Variants in FBLN1 observed in about 807,000 individuals in gnomAD.
FBLN1 encodes the protein fibulin 1.
In FBLN1, 34 loss-of-function variants were observed where a neutral mutation model predicts 89.7. That is an observed-to-expected ratio of 0.38 (90% confidence interval 0.29 to 0.50). The LOEUF (loss-of-function observed/expected upper bound fraction) is 0.50. Ranked by LOEUF, FBLN1 falls within the 20% of genes least tolerant of loss-of-function variation. FBLN1 has a pLI of 0.92. For synonymous variants in FBLN1, 393 were observed against 391.3 expected (o/e 1.00, Z -0.05); for missense variants, 777 against 988.1 (o/e 0.79, Z 2.86).
chr22:45,538,425 C>CT (rs2088510970), intron 8 of FBLN1, among the ~76,000 whole-genome samples: 2 of 152,228 alleles, frequency 1.3e-5, no homozygotes, highest in Non-Finnish European at 2.9e-5. Flanking sequence ...GGTCCATGAG[C>CT]CCTTCTGGGC....
rs2088609486 is a variant in FBLN1, at chr22:45,545,090, G to T, written c.1321+1564G>T. ...CCTTCCTGATGAGATGGTCGCAGGGGTTGGATATGCCACAGTGAGCTGTGG... is the reference window on the plus strand; with the variant it reads ...CCTTCCTGATGAGATGGTCGCAGGGTTTGGATATGCCACAGTGAGCTGTGG... On this transcript the variant is annotated intron_variant, in intron 11 of 16. Coordinates refer to ENST00000327858, the MANE Select transcript of FBLN1 (RefSeq NM_006486.3). The surrounding 1 kb of genome is among the most constrained non-coding windows in gnomAD (Gnocchi z 5.9). Among the ~76,000 whole-genome samples, 1 of 152,222 alleles carries T rather than the reference G, an allele frequency of 6.6e-6. No homozygotes were observed. The highest frequency in any genetic ancestry group is 1.5e-5 in the Non-Finnish European group (1 of 68,040).
chr22:45,542,087 C>G, intron 9 of FBLN1, 68 bp from the exon 10 acceptor site: 4 of 1,610,708 alleles, frequency 2.5e-6, no homozygotes, highest in Non-Finnish European at 3.4e-6. Flanking sequence ...GCTTTCCTTT[C>G]TGATCATCTT....
chr22:45,548,407 T>C (rs1045240978), intron 12 of FBLN1, among the ~76,000 whole-genome samples: 1 of 152,184 alleles, frequency 6.6e-6, no homozygotes, highest in African/African-American at 2.4e-5. Context: ...GCCACATGCA[T>C]ACTTCACACC....
Position 45,541,388 on chromosome 22 carries a change from A to C in FBLN1, c.1066+16A>C. On this transcript the variant is annotated intron_variant, in intron 9 of 16. Coordinates refer to ENST00000327858, the MANE Select transcript of FBLN1 (RefSeq NM_006486.3). Reference sequence around the variant, plus strand: ...CGCTGTGTTGGTTGGTATTAAGAAAACAAATCTGAAATCCACTTTCCTGTC... The same window carrying C: ...CGCTGTGTTGGTTGGTATTAAGAAACCAAATCTGAAATCCACTTTCCTGTC... 3 of 1,614,142 alleles carry C rather than the reference A, an allele frequency of 1.9e-6. No individual in the cohort carries two copies. Among genetic ancestry groups the C allele is most frequent in the African/African-American group, 1.3e-5 (1 of 75,054 alleles).
At chr22:45,594,696 A>AGATGGATGGATG (rs201180295) in intron 16 of FBLN1, among the ~76,000 whole-genome samples, 1,462 of 143,070 alleles carry the variant, frequency 0.01, 28 homozygotes, top group African/African-American at 0.036. Context: ...ATTGGTGGAT[A>AGATGGATGGATG]GATGGATGGA....
rs1422650059 is a variant in FBLN1, at chr22:45,581,650, T to TAA, written c.1972+4543_1972+4544insAA. Among the ~76,000 whole-genome samples the TAA allele has an allele frequency of 2.6e-5, 4 of 151,994 alleles. No individual in the cohort carries two copies. Among genetic ancestry groups the TAA allele is most frequent in the African/African-American group, 9.7e-5 (4 of 41,390 alleles). On this transcript the variant is annotated intron_variant, in intron 16 of 16. Coordinates refer to ENST00000327858, the MANE Select transcript of FBLN1 (RefSeq NM_006486.3). The surrounding 1 kb of genome is among the most constrained non-coding windows in gnomAD (Gnocchi z 7.6). The stretch of plus-strand genomic sequence containing the variant: ...GCAGGGAGCTACGGAGTTGTCTTTG[T>TAA]AGTTTTTTGCAGGCCAGCCCCTCCT...
chr22:45,587,038 A>G (rs909541330), intron 16 of FBLN1, among the ~76,000 whole-genome samples: 4 of 152,034 alleles, frequency 2.6e-5, no homozygotes, highest in African/African-American at 9.7e-5. Flanking sequence ...TGCTTCTCAG[A>G]CCTGCGGGTA....
rs1485386926 is a variant in FBLN1 at position 45,557,860 on chromosome 22, G to A, written c.1697+7245G>A. On this transcript the variant is annotated intron_variant, in intron 14 of 16. Coordinates refer to ENST00000327858, the MANE Select transcript of FBLN1 (RefSeq NM_006486.3). This position sits in a 1 kb window ranked among gnomAD's most constrained non-coding sequence, Gnocchi z 4.9. ...ACAGCCCATGAATCAGTATGTAATC[G>A]CACATCTGGTCATTTCTCCTTCCAT... Among the ~76,000 whole-genome samples the A allele has an allele frequency of 2.6e-5, 4 of 152,114 alleles. No homozygotes were observed. The highest frequency in any genetic ancestry group is 1.9e-4 in the East Asian group (1 of 5,190).
chr22:45,576,031 A>G lies in FBLN1; in HGVS notation c.1841-946A>G, dbSNP rs1011671214. On this transcript the variant is annotated intron_variant, in intron 15 of 16. Transcript: ENST00000327858. This position sits in a 1 kb window ranked among gnomAD's most constrained non-coding sequence, Gnocchi z 5.2. ...ACACCAGTGTTTACACCATGACACA[A>G]CCATGCGGGGGGGTGGGGGGAGGAG... Among the ~76,000 whole-genome samples, 42 of 151,424 alleles carry G rather than the reference A, an allele frequency of 2.8e-4. No homozygotes were observed. Among genetic ancestry groups the G allele is most frequent in the African/African-American group, 9.7e-4 (40 of 41,044 alleles).
At position 45,576,449 on chromosome 22, in the gene FBLN1, A is replaced by G. The variant is rs922295624; in HGVS notation, c.1841-528A>G. 1.3e-5 allele frequency among the ~76,000 whole-genome samples: 2 copies of G among 151,926 alleles called. No homozygotes were observed. Among genetic ancestry groups the G allele is most frequent in the Admixed American group, 1.3e-4 (2 of 15,268 alleles). On this transcript the variant is annotated intron_variant, in intron 15 of 16. Transcript: ENST00000327858. The surrounding 1 kb of genome is among the most constrained non-coding windows in gnomAD (Gnocchi z 5.2). ...CTTACAGGTGAGGAAACTGAGGCCCACAGAGAGGACTCCCCCAAGACAGCC... is the reference window on the plus strand; with the variant it reads ...CTTACAGGTGAGGAAACTGAGGCCCGCAGAGAGGACTCCCCCAAGACAGCC...
At chr22:45,541,448 A>G in intron 9 of FBLN1, 76 bp downstream of exon 9, 3 of 1,580,864 alleles carry the variant, frequency 1.9e-6, no homozygotes, top group Admixed American at 3.5e-5. Flanking sequence ...CTCTGGAAGC[A>G]GAAAGTTGAT....
Position 45,576,829 on chromosome 22 carries a change from C to T in FBLN1, c.1841-148C>T. The T allele has an allele frequency of 1.1e-6, 1 of 914,108 alleles. No individual in the cohort carries two copies. Among genetic ancestry groups the T allele is most frequent in the Non-Finnish European group, 1.7e-6 (1 of 581,394 alleles). The allele number at this position is 914,108 out of a possible 1,614,324, so 56.6% of individuals were successfully genotyped here. On this transcript the variant is annotated intron_variant, in intron 15 of 16. Coordinates refer to ENST00000327858, the MANE Select transcript of FBLN1 (RefSeq NM_006486.3). This position sits in a 1 kb window ranked among gnomAD's most constrained non-coding sequence, Gnocchi z 5.2. ...TCCAGACCCCTCCACCCTCCCCACACAGGGGATCTCTGGCTTCATTGATGT... is the reference window on the plus strand; with the variant it reads ...TCCAGACCCCTCCACCCTCCCCACATAGGGGATCTCTGGCTTCATTGATGT...
At chr22:45,592,216 C>T (rs1387372539) in intron 16 of FBLN1, among the ~76,000 whole-genome samples, 1 of 152,226 alleles carries the variant, frequency 6.6e-6, no homozygotes, top group Non-Finnish European at 1.5e-5. Flanking sequence ...CGGCTGTGGG[C>T]ACATAGGGTC....
intron 14 of FBLN1, among the ~76,000 whole-genome samples, chr22:45,570,513 T>C (rs2088944708): frequency 6.6e-6 from 1 of 151,812 alleles, no homozygotes; most frequent in Non-Finnish European, 1.5e-5. Flanking sequence ...CAAAAGTGAA[T>C]AAACAGATAA....
chr22:45,557,171 T>C lies in FBLN1; in HGVS notation c.1697+6556T>C, dbSNP rs923504631. 1.3e-5 allele frequency among the ~76,000 whole-genome samples: 2 copies of C among 152,206 alleles called. No individual in the cohort carries two copies. The highest frequency in any genetic ancestry group is 4.8e-5 in the African/African-American group (2 of 41,456). ...GAGCATGAGCCCACTGCCACACCTC[T>C]TTAGCAGTAAAGTGAGTGCTTTGGT... On this transcript the variant is annotated intron_variant, in intron 14 of 16. Transcript: ENST00000327858. This position sits in a 1 kb window ranked among gnomAD's most constrained non-coding sequence, Gnocchi z 4.9.
At chr22:45,573,097 A>G (rs1018652584) in intron 14 of FBLN1, among the ~76,000 whole-genome samples, 4 of 152,034 alleles carry the variant, frequency 2.6e-5, no homozygotes, top group Non-Finnish European at 4.4e-5. Context: ...ATGATGGTGC[A>G]TGCCTGTAAT....
chr22:45,585,333 G>A (rs149046472), intron 16 of FBLN1, among the ~76,000 whole-genome samples: 45 of 152,302 alleles, frequency 3.0e-4, no homozygotes, highest in Non-Finnish European at 5.3e-4. Flanking sequence ...GCTTGAGACC[G>A]TCCATTGTCC....
intron 7 of FBLN1, among the ~76,000 whole-genome samples, chr22:45,534,164 T>C (rs987900732): frequency 6.6e-6 from 1 of 151,724 alleles, no homozygotes; most frequent in Admixed American, 6.6e-5. Flanking sequence ...GTTCAGCTGT[T>C]AGGAAAGATT....
At position 45,563,528 on chromosome 22, in the gene FBLN1, T is replaced by C. The variant is rs1334158284; in HGVS notation, c.1698-10983T>C. Reference sequence around the variant, plus strand: ...GGGTCCCTGTTCACAGAGCCCACTGTCTGTGCCGACAGGGAGGCCAGGCCG... The same window carrying C: ...GGGTCCCTGTTCACAGAGCCCACTGCCTGTGCCGACAGGGAGGCCAGGCCG... On this transcript the variant is annotated intron_variant, in intron 14 of 16. Transcript: ENST00000327858. The surrounding 1 kb of genome is among the most constrained non-coding windows in gnomAD (Gnocchi z 5.7). 2.0e-5 allele frequency among the ~76,000 whole-genome samples: 3 copies of C among 152,210 alleles called. No individual in the cohort carries two copies. The highest frequency in any genetic ancestry group is 4.4e-5 in the Non-Finnish European group (3 of 68,032).
Sources: gnomAD v4.1 joint callset for allele counts (sites outside exome capture counted in the v4.1 genomes callset) on GRCh38, gnomAD v4.1.1 for gene constraint, Gnocchi (gnomAD v3.1) non-coding constraint, MANE v1.5 for transcripts, NCBI Gene and HGNC (gene_info 2026-07-23, HGNC 2026-07-21) for gene names.